Variants in RUNDC3B observed in about 807,000 individuals in gnomAD.
RUNDC3B encodes the protein RUN domain containing 3B.
RUNDC3B carries 33 observed loss-of-function variants against 58.4 expected under a neutral mutation model. The observed-to-expected ratio is 0.56, with a 90% CI of 0.43 to 0.75. The LOEUF (loss-of-function observed/expected upper bound fraction) is 0.75. Among genes scored for constraint, RUNDC3B ranks in the 30% least tolerant of loss-of-function variants. The pLI, the probability that RUNDC3B is intolerant of heterozygous loss-of-function variation, is 0.00. For synonymous variants in RUNDC3B, 193 were observed against 195.2 expected, an observed-to-expected ratio of 0.99 and a Z score of 0.10; for missense variants, 501 against 535.7, an observed-to-expected ratio of 0.94 and a Z score of 0.64.
chr7:87,666,914 G>A (rs1160057401), intron 2 of RUNDC3B, among the ~76,000 whole-genome samples: 1 of 152,078 alleles, frequency 6.6e-6, no homozygotes, highest in Non-Finnish European at 1.5e-5. Flanking sequence ...TTTGAAGTCA[G>A]GTAATGTGAT....
intron 2 of RUNDC3B, among the ~76,000 whole-genome samples, chr7:87,675,452 A>G (rs1271556612): frequency 6.6e-6 from 1 of 152,192 alleles, no homozygotes; most frequent in African/African-American, 2.4e-5. Context: ...ACTTCAAACT[A>G]TGTTACAATG....
chr7:87,666,190 G>A (rs1051598971), intron 2 of RUNDC3B, among the ~76,000 whole-genome samples: 2 of 152,112 alleles, frequency 1.3e-5, no homozygotes, highest in East Asian at 3.8e-4. Flanking sequence ...TCTGACTGGT[G>A]TGAGATGGTA....
At chr7:87,772,414 AAGAT>A (rs1834334339) in intron 7 of RUNDC3B, among the ~76,000 whole-genome samples, 2 of 152,182 alleles carry the variant, frequency 1.3e-5, no homozygotes, top group Non-Finnish European at 2.9e-5. Flanking sequence ...TATTTCTACT[AAGAT>A]AGATGAAATA....
chr7:87,702,575 C>T (rs1444025437), intron 3 of RUNDC3B, among the ~76,000 whole-genome samples: 1 of 152,104 alleles, frequency 6.6e-6, no homozygotes, highest in Non-Finnish European at 1.5e-5. Context: ...TCACCATGAC[C>T]AACTCATTAT....
At chr7:87,804,092 A>G (rs1430885282) in intron 8 of RUNDC3B, among the ~76,000 whole-genome samples, 1 of 152,172 alleles carries the variant, frequency 6.6e-6, no homozygotes, top group Non-Finnish European at 1.5e-5. Flanking sequence ...ACTCACCACA[A>G]AGCAATACAA....
chr7:87,771,215 T>G lies in RUNDC3B; in HGVS notation c.798+466T>G, dbSNP rs140875927. 3.8e-3 allele frequency among the ~76,000 whole-genome samples: 573 copies of G among 152,162 alleles called. 6 individuals carry two copies. Among genetic ancestry groups the G allele is most frequent in the African/African-American group, 0.013 (546 of 41,550 alleles). ...TGTAGCCATTACTTTTTTACTGTAT[T>G]TTCTATTTTTCTCTTTTTGTCTTCT... is the stretch of plus-strand genomic sequence containing the variant. On this transcript the variant is annotated intron_variant, in intron 7 of 10. Transcript: ENST00000394654.
intron 1 of RUNDC3B, among the ~76,000 whole-genome samples, chr7:87,630,052 C>G (rs1431993036): frequency 6.6e-6 from 1 of 152,034 alleles, no homozygotes; most frequent in Non-Finnish European, 1.5e-5. Context: ...GCATCAATTT[C>G]TTAGGAACTT....
At chr7:87,799,269 G>T (rs942661731) in intron 8 of RUNDC3B, among the ~76,000 whole-genome samples, 5 of 152,106 alleles carry the variant, frequency 3.3e-5, no homozygotes, top group Non-Finnish European at 5.9e-5. Flanking sequence ...TGAGTAGAGG[G>T]CAAGGACCAA....
chr7:87,743,873 A>G (rs1018257002), intron 6 of RUNDC3B, among the ~76,000 whole-genome samples: 6 of 152,224 alleles, frequency 3.9e-5, no homozygotes, highest in Admixed American at 3.9e-4. Context: ...GTTCATGGTC[A>G]TGAAATCCTT....
chr7:87,779,202 C>G (rs1834805441), intron 8 of RUNDC3B, among the ~76,000 whole-genome samples: 1 of 152,130 alleles, frequency 6.6e-6, no homozygotes, highest in African/African-American at 2.4e-5. Context: ...CCAGTTTTGT[C>G]AAAAGTTTAA....
At chr7:87,679,502 A>T (rs1826714419) in intron 2 of RUNDC3B, among the ~76,000 whole-genome samples, 1 of 149,482 alleles carries the variant, frequency 6.7e-6, no homozygotes, top group Non-Finnish European at 1.5e-5. Flanking sequence ...TGATTCTCCC[A>T]CCTCAGGTTC....
At chr7:87,748,702 C>A (rs1202323646) in intron 6 of RUNDC3B, among the ~76,000 whole-genome samples, 1 of 151,970 alleles carries the variant, frequency 6.6e-6, no homozygotes, top group Non-Finnish European at 1.5e-5. Context: ...AGTATAGGAA[C>A]TTTATGAATT....
rs9641019 is a variant in RUNDC3B, at chr7:87,657,719, C to T, written c.238+6782C>T. Among the ~76,000 whole-genome samples the T allele has an allele frequency of 3.8e-4, 58 of 152,244 alleles. 1 individual carries two copies. The East Asian group carries it at 9.9e-3, about 26-fold the overall frequency. The stretch of plus-strand genomic sequence containing the variant: ...AGGCCTGTTAGAGAGTTATGTCTTT[C>T]ACTGTCACCCAGTGGTAAGGAGGCC... On this transcript the variant is annotated intron_variant, in intron 2 of 10. Coordinates refer to ENST00000394654, the MANE Select transcript of RUNDC3B (RefSeq NM_001134405.2).
At chr7:87,689,703 A>G (rs541681310) in intron 2 of RUNDC3B, among the ~76,000 whole-genome samples, 6 of 152,274 alleles carry the variant, frequency 3.9e-5, no homozygotes, top group Admixed American at 1.3e-4. Context: ...TAATAATCCC[A>G]GTTCCTACAT....
intron 10 of RUNDC3B, among the ~76,000 whole-genome samples, chr7:87,817,116 C>A (rs1045157352): frequency 1.3e-5 from 2 of 152,190 alleles, no homozygotes; most frequent in Non-Finnish European, 2.9e-5. Flanking sequence ...CCAATTTTTA[C>A]CCTGCCTTCT....
chr7:87,703,459 T>C (rs1407187023), intron 3 of RUNDC3B, among the ~76,000 whole-genome samples: 3 of 152,198 alleles, frequency 2.0e-5, no homozygotes, highest in African/African-American at 7.2e-5. Flanking sequence ...ATAGCTATGA[T>C]TTTTGTCACC....
At chr7:87,768,704 C>T (rs73200332) in intron 6 of RUNDC3B, among the ~76,000 whole-genome samples, 8,133 of 152,238 alleles carry the variant, frequency 0.053, 309 homozygotes, top group Non-Finnish European at 0.084. Flanking sequence ...CTCCAAGTTC[C>T]TTAATGGTCA....
At chr7:87,660,668 G>A (rs1052914850) in intron 2 of RUNDC3B, among the ~76,000 whole-genome samples, 9 of 150,922 alleles carry the variant, frequency 6.0e-5, no homozygotes, top group Admixed American at 2.6e-4. Flanking sequence ...TATCTTCTTT[G>A]GCTCTATTAT....
intron 4 of RUNDC3B, chr7:87,713,039 A>G (rs767838713): frequency 1.3e-5 from 2 of 152,160 alleles, no homozygotes; most frequent in Non-Finnish European, 2.9e-5. Context: ...TTTTACTGAG[A>G]TGAAACCAAA....
Sources: gnomAD v4.1 joint callset for allele counts (sites outside exome capture counted in the v4.1 genomes callset) on GRCh38, gnomAD v4.1.1 for gene constraint, MANE v1.5 for transcripts, NCBI Gene and HGNC (gene_info 2026-07-23, HGNC 2026-07-21) for gene names.